Variants in CWC25 observed in about 807,000 individuals in gnomAD.
The protein encoded by CWC25 is pre-mRNA-splicing factor CWC25 homolog.
Under a neutral mutation model 54.6 loss-of-function variants are expected in CWC25, and 31 were observed. The observed-to-expected ratio is 0.57, with a 90% CI of 0.43 to 0.77. The LOEUF is 0.77. Ranked by LOEUF, CWC25 falls within the 30% of genes least tolerant of loss-of-function variation. The pLI is 0.00. For missense variants in CWC25, 453 were observed against 529.3 expected (o/e 0.86, Z 1.41); for synonymous variants, 151 against 187.0 (o/e 0.81, Z 1.57).
chr17:38,814,515 C>A (rs898652126), intron 3 of CWC25, among the ~76,000 whole-genome samples: 1 of 151,164 alleles, frequency 6.6e-6, no homozygotes, highest in African/African-American at 2.4e-5. Flanking sequence ...CCGAGGCGGG[C>A]GGATCACAAG....
At chr17:38,818,054 G>C (rs1911773587) in intron 2 of CWC25, among the ~76,000 whole-genome samples, 1 of 151,470 alleles carries the variant, frequency 6.6e-6, no homozygotes, top group Non-Finnish European at 1.5e-5. Flanking sequence ...GAAGCGGGCA[G>C]ATCACAAGGT....
At chr17:38,807,179 T>G (rs978041751) in intron 6 of CWC25, among the ~76,000 whole-genome samples, 1 of 151,248 alleles carries the variant, frequency 6.6e-6, no homozygotes, top group African/African-American at 2.4e-5. Context: ...AAAAATTAGC[T>G]GGGCGTGGTG....
rs1911317655 is a variant in CWC25, at chr17:38,807,893, C to T, written c.691-917G>A. Among the ~76,000 whole-genome samples, 2 of 135,598 alleles carry T rather than the reference C, an allele frequency of 1.5e-5. 1 individual carries two copies. Among genetic ancestry groups the T allele is most frequent in the African/African-American group, 5.4e-5 (2 of 37,170 alleles). 89.0% of individuals were successfully genotyped at this position (135,598 alleles called of 152,430 possible). On this transcript the variant is annotated intron_variant, in intron 6 of 9. Coordinates refer to ENST00000614790, the MANE Select transcript of CWC25 (RefSeq NM_017748.5). ...CTAACATGGTGAAACACTGTCTCTA[C>T]TAAAAATACAAAATAATTAGCTGGG...
intron 6 of CWC25, 100 bp from the exon 7 acceptor site, chr17:38,807,076 C>G (rs1236716898): frequency 1.1e-6 from 1 of 873,472 alleles, no homozygotes; most frequent in Admixed American, 2.6e-5. Flanking sequence ...AATCCCAGCA[C>G]TTTGGGAGGC....
At chr17:38,821,411 A>G (rs1567676319) in intron 1 of CWC25, among the ~76,000 whole-genome samples, 1 of 152,170 alleles carries the variant, frequency 6.6e-6, no homozygotes, top group Non-Finnish European at 1.5e-5. Context: ...TACAAAAATT[A>G]GCTGGGCGTG....
In CWC25 at chr17:38,806,881, G is replaced by T. The variant is rs760000766; in HGVS notation, c.786C>A (p.Ser262Arg). The T allele has an allele frequency of 6.2e-7, 1 of 1,613,910 alleles. No homozygotes were observed. The highest frequency in any genetic ancestry group is 1.1e-5 in the South Asian group (1 of 91,078). ...CATGTCTTGGGGGTGAGTGGGAGGA[G>T]CTTCTGGATCTGGAATGGTTCTTCA... is the stretch of plus-strand genomic sequence containing the variant. ...HGMKNHSRSR[S>R]SSHSPPRHAS... Residue 262 changes from serine (S) to arginine (R), a missense_variant, in exon 7 of 10, where the codon AGC (serine) becomes AGA (arginine). This residue lies in a region of CWC25 where 444 missense variants were observed against 499.2 expected (regional missense o/e 0.89). Transcript: ENST00000614790.
chr17:38,812,794 C>T lies in CWC25; in HGVS notation c.498+1G>A, dbSNP rs1234139345. The T allele has an allele frequency of 6.7e-7, 1 of 1,485,730 alleles. No homozygotes were observed. Among genetic ancestry groups the T allele is most frequent in the Non-Finnish European group, 9.2e-7 (1 of 1,087,030 alleles). 92.0% of individuals were successfully genotyped at this position (1,485,730 alleles called of 1,614,324 possible). ...TGGTGCTTATCTGGTATACTACTTA[C>T]CAATTCTTTGATTTTCTTCATTTTC... is the stretch of plus-strand genomic sequence containing the variant. On this transcript the variant is annotated splice_donor_variant, in intron 4 of 9. Coordinates refer to ENST00000614790, the MANE Select transcript of CWC25 (RefSeq NM_017748.5). LOFTEE classifies it high-confidence loss of function.
chr17:38,803,064 A>G (rs1283718511), intron 8 of CWC25, among the ~76,000 whole-genome samples: 1 of 152,170 alleles, frequency 6.6e-6, no homozygotes, highest in Non-Finnish European at 1.5e-5. Flanking sequence ...GTATTCCATA[A>G]TCTCACTCAG....
chr17:38,813,236 C>T (rs780288202), intron 3 of CWC25, among the ~76,000 whole-genome samples: 3 of 151,598 alleles, frequency 2.0e-5, no homozygotes, highest in Non-Finnish European at 2.9e-5. Context: ...CTGGGGCAGG[C>T]GGATCACTTG....
chr17:38,803,428 G>A (rs558390146), intron 8 of CWC25, among the ~76,000 whole-genome samples: 10 of 151,132 alleles, frequency 6.6e-5, no homozygotes, highest in Non-Finnish European at 7.4e-5. Flanking sequence ...TCAGGAGTTC[G>A]AGACCAGCCT....
intron 2 of CWC25, among the ~76,000 whole-genome samples, chr17:38,817,403 C>A (rs558214557): frequency 6.7e-6 from 1 of 149,826 alleles, no homozygotes; most frequent in Non-Finnish European, 1.5e-5. Flanking sequence ...GTAATCCCAG[C>A]ACTTTGGGAG....
At chr17:38,823,222 C>G (rs1912002072) in intron 1 of CWC25, among the ~76,000 whole-genome samples, 1 of 144,390 alleles carries the variant, frequency 6.9e-6, no homozygotes, top group Non-Finnish European at 1.5e-5. Flanking sequence ...TGCAGTGGTG[C>G]AATCTTGGCT....
At position 38,815,508 on chromosome 17, in the gene CWC25, C is replaced by T. The variant is rs559774137; in HGVS notation, c.192-411G>A. On this transcript the variant is annotated intron_variant, in intron 2 of 9. Transcript: ENST00000614790. ...GGAGGCAGAGGTTGCAGTAAGATCA[C>T]GCCACTGCACTCCAGCCTGGGTGAC... 10 of 471,018 alleles carry T rather than the reference C, an allele frequency of 2.1e-5. No homozygotes were observed. In the East Asian group the frequency reaches 3.4e-4, roughly 16 times the overall value. 29.2% of individuals were successfully genotyped at this position (471,018 alleles called of 1,614,324 possible).
Position 38,806,944 on chromosome 17 carries a change from C to T in CWC25, c.723G>A (p.Gln241=). 1 of 1,613,634 alleles carries T rather than the reference C, an allele frequency of 6.2e-7. No homozygotes were observed. The highest frequency in any genetic ancestry group is 2.2e-5 in the East Asian group (1 of 44,868). ...VRNSDRNQGL[Q]GPLTAEQKRG... ...TCTTTTGCTCTGCTGTCAGAGGACC[C>T]TGAAGACCCTGGTTACGGTCAGAGT... Residue 241 remains glutamine, a synonymous_variant, in exon 7 of 10, where the codon CAG becomes CAA. Transcript: ENST00000614790.
chr17:38,813,587 A>G, intron 3 of CWC25, among the ~76,000 whole-genome samples: 1 of 148,830 alleles, frequency 6.7e-6, no homozygotes, highest in Non-Finnish European at 1.5e-5. Flanking sequence ...TCAGTCGTCC[A>G]GGCTGCAGTG....
chr17:38,806,689 C>T, intron 7 of CWC25, 76 bp downstream of exon 7: 1 of 1,348,284 alleles, frequency 7.4e-7, no homozygotes, highest in Non-Finnish European at 1.0e-6. Flanking sequence ...CGGACATCAC[C>T]AAAAGCAAAA....
Position 38,809,691 on chromosome 17 carries a change from C to G in CWC25, c.690+11G>C. ...CCACAGTCACTCCTTTCAAGAAGCC[C>G]ACATCCCTACCTGTAAGCCATATCC... On this transcript the variant is annotated intron_variant, in intron 6 of 9. Transcript: ENST00000614790. 6.2e-7 allele frequency: 1 copy of G among 1,613,352 alleles called. No individual in the cohort carries two copies. The highest frequency in any genetic ancestry group is 8.5e-7 in the Non-Finnish European group (1 of 1,179,580).
intron 6 of CWC25, among the ~76,000 whole-genome samples, chr17:38,809,262 T>C (rs1247653017): frequency 6.6e-6 from 1 of 151,366 alleles, no homozygotes; most frequent in Non-Finnish European, 1.5e-5. Context: ...ACCCTGTCTC[T>C]ACTAAAAATA....
chr17:38,825,134 G>A (rs766196691), intron 1 of CWC25, 32 bp downstream of exon 1: 11 of 1,472,508 alleles, frequency 7.5e-6, no homozygotes, highest in East Asian at 2.6e-5. Flanking sequence ...CCCGGCCTCA[G>A]TCCTCCCCCG....
Sources: allele counts gnomAD v4.1 joint callset (sites outside exome capture counted in the v4.1 genomes callset), GRCh38; gene constraint gnomAD v4.1.1; regional missense constraint gnomAD v4.1.1; transcripts MANE v1.5; gene names NCBI Gene and HGNC (gene_info 2026-07-23, HGNC 2026-07-21).